GRIN2B: variants seen among roughly 807,000 people sequenced by gnomAD.
GRIN2B encodes glutamate receptor ionotropic, NMDA 2B.
Under a neutral mutation model 114.5 loss-of-function variants are expected in GRIN2B, and 5 were observed. The observed-to-expected ratio is 0.04, with a 90% confidence interval of 0.02 to 0.09. GRIN2B has a LOEUF of 0.09. Ranked by LOEUF, GRIN2B falls within the 10% of genes least tolerant of loss-of-function variation. The probability of loss-of-function intolerance (pLI) is 1.00; values close to 1 mark genes in which losing one functional copy is unlikely to be tolerated. For missense variants in GRIN2B, 1,108 were observed against 1,943.5 expected (o/e 0.57, Z 8.08); for synonymous variants, 787 against 745.1 (o/e 1.06, Z -0.92).
At chr12:13,751,186 A>G (rs1400406020) in intron 4 of GRIN2B, among the ~76,000 whole-genome samples, 1 of 152,222 alleles carries the variant, frequency 6.6e-6, no homozygotes, top group African/African-American at 2.4e-5. Flanking sequence ...CGTGCAAGGC[A>G]GAGAAAAGCA....
intron 5 of GRIN2B, among the ~76,000 whole-genome samples, chr12:13,663,921 G>A (rs1194160028): frequency 6.6e-6 from 1 of 152,118 alleles, no homozygotes; most frequent in Non-Finnish European, 1.5e-5. Context: ...CAGATATTGT[G>A]CTAAGAATTT....
At chr12:13,824,532 T>C (rs1294872808) in intron 3 of GRIN2B, among the ~76,000 whole-genome samples, 1 of 152,196 alleles carries the variant, frequency 6.6e-6, no homozygotes, top group African/African-American at 2.4e-5. Flanking sequence ...CCAGTCTTGC[T>C]AGAGATCTAT....
intron 4 of GRIN2B, among the ~76,000 whole-genome samples, chr12:13,735,419 T>TG (rs768231546): frequency 2.0e-5 from 3 of 152,212 alleles, no homozygotes; most frequent in Non-Finnish European, 4.4e-5. Flanking sequence ...GGTCAAGCCT[T>TG]GGGTCTCATT....
At chr12:13,931,945 C>T (rs1867041937) in intron 2 of GRIN2B, among the ~76,000 whole-genome samples, 1 of 152,186 alleles carries the variant, frequency 6.6e-6, no homozygotes, top group Admixed American at 6.5e-5. Context: ...GTCTCTCTCC[C>T]TTACAAACTA....
At chr12:13,634,536 G>A (rs1012149840) in intron 5 of GRIN2B, among the ~76,000 whole-genome samples, 2 of 152,080 alleles carry the variant, frequency 1.3e-5, no homozygotes, top group South Asian at 2.1e-4. Flanking sequence ...CAAAAGGAGC[G>A]TAGTTGAGCT....
chr12:13,915,965 T>G (rs1189425738), intron 2 of GRIN2B, among the ~76,000 whole-genome samples: 1 of 152,082 alleles, frequency 6.6e-6, no homozygotes, highest in East Asian at 1.9e-4. Context: ...ACATCTCCCC[T>G]TGGTTCACTG....
chr12:13,892,408 T>C (rs1166927784), intron 2 of GRIN2B, among the ~76,000 whole-genome samples: 2 of 152,232 alleles, frequency 1.3e-5, no homozygotes, highest in Non-Finnish European at 2.9e-5. Context: ...TTAAAAAAAC[T>C]ATTTCAAATT....
At chr12:13,916,012 T>C (rs1405843809) in intron 2 of GRIN2B, among the ~76,000 whole-genome samples, 1 of 152,092 alleles carries the variant, frequency 6.6e-6, no homozygotes, top group Admixed American at 6.6e-5. Context: ...CCTATGCTTG[T>C]AATGGTCTCT....
Position 13,607,297 on chromosome 12 carries a change from AATATATATTATATATAATATAAAATATAT to A in GRIN2B, c.2010+1277_2010+1305del, listed in dbSNP as rs1185464700. Among the ~76,000 whole-genome samples the A allele has an allele frequency of 7.1e-4, 47 of 66,468 alleles. 1 individual carries two copies. Among genetic ancestry groups the A allele is most frequent in the East Asian group, 2.0e-3 (6 of 2,974 alleles). The allele number at this position is 66,468 out of a possible 152,430, so 43.6% of individuals were successfully genotyped here. A position where few individuals can be genotyped will look rare whatever the true frequency, so the allele number is the denominator to read the frequency against. On this transcript the variant is annotated intron_variant, in intron 10 of 13. Coordinates refer to ENST00000609686, the MANE Select transcript of GRIN2B (RefSeq NM_000834.5). ...AAATATATAATATATATTATATAAA[AATATATATTATATATAATATAAAATATAT>A]AATATATATTATATATAATATATAA...
chr12:13,582,755 G>A (rs1214809623), intron 10 of GRIN2B, among the ~76,000 whole-genome samples: 2 of 151,952 alleles, frequency 1.3e-5, no homozygotes, highest in African/African-American at 4.8e-5. Context: ...GGGGTGGTGA[G>A]GACTGGAACT....
At chr12:13,833,614 C>G (rs1480573851) in intron 3 of GRIN2B, among the ~76,000 whole-genome samples, 1 of 152,178 alleles carries the variant, frequency 6.6e-6, no homozygotes, top group Non-Finnish European at 1.5e-5. Context: ...AGGCTGTCAT[C>G]ATGTTGCCAC....
At chr12:13,850,284 G>T (rs1865537270) in intron 3 of GRIN2B, among the ~76,000 whole-genome samples, 1 of 152,166 alleles carries the variant, frequency 6.6e-6, no homozygotes, top group African/African-American at 2.4e-5. Context: ...TTAGACTGAT[G>T]TGCACTCAAT....
intron 10 of GRIN2B, among the ~76,000 whole-genome samples, chr12:13,573,442 C>T (rs190925190): frequency 6.7e-6 from 1 of 149,370 alleles, no homozygotes; most frequent in Admixed American, 6.6e-5. Context: ...CACAGAGAGA[C>T]TCCGTCTCAA....
intron 3 of GRIN2B, among the ~76,000 whole-genome samples, chr12:13,857,821 A>C (rs906246372): frequency 6.6e-6 from 1 of 152,188 alleles, no homozygotes; most frequent in African/African-American, 2.4e-5. Flanking sequence ...GGGCTCATGA[A>C]ATCAAGGATG....
chr12:13,608,533 C>T (rs1949318612), intron 10 of GRIN2B, 70 bp downstream of exon 10: 1 of 1,105,838 alleles, frequency 9.0e-7, no homozygotes, highest in East Asian at 2.4e-5. Flanking sequence ...CAAGCAGGTA[C>T]ATGAGAACTT....
In GRIN2B at chr12:13,753,184, G is replaced by A. The variant is rs1863514394; in HGVS notation, c.1010+133C>T. 1 of 768,980 alleles carries A rather than the reference G, an allele frequency of 1.3e-6. No homozygotes were observed. The highest frequency in any genetic ancestry group is 1.7e-5 in the African/African-American group (1 of 59,042). The allele number at this position is 768,980 out of a possible 1,614,324, so 47.6% of individuals were successfully genotyped here. A position where few individuals can be genotyped will look rare whatever the true frequency, so the allele number is the denominator to read the frequency against. ...AACACTCCCCCAATCATGACCAATT[G>A]CCATGCCCAAGGCCAGGCTTCAACC... On this transcript the variant is annotated intron_variant, in intron 4 of 13. Coordinates refer to ENST00000609686, the MANE Select transcript of GRIN2B (RefSeq NM_000834.5). The surrounding 1 kb of genome is among the most constrained non-coding windows in gnomAD (Gnocchi z 6.2).
chr12:13,622,972 T>G (rs1351016675), intron 5 of GRIN2B, among the ~76,000 whole-genome samples: 1 of 152,228 alleles, frequency 6.6e-6, no homozygotes, highest in East Asian at 1.9e-4. Context: ...CCTCATTTCT[T>G]TGTAACCAAG....
At chr12:13,868,889 A>T (rs1458972266) in intron 2 of GRIN2B, among the ~76,000 whole-genome samples, 1 of 152,252 alleles carries the variant, frequency 6.6e-6, no homozygotes, top group Non-Finnish European at 1.5e-5. Flanking sequence ...CAAAGAGGCT[A>T]CTTTGAATAC....
At chr12:13,799,570 C>A (rs1353105147) in intron 3 of GRIN2B, among the ~76,000 whole-genome samples, 3 of 152,126 alleles carry the variant, frequency 2.0e-5, no homozygotes, top group African/African-American at 7.2e-5. Flanking sequence ...GGTGCTGTTC[C>A]TGCTGCCGCC....
Sources: allele counts gnomAD v4.1 joint callset (sites outside exome capture counted in the v4.1 genomes callset), GRCh38; gene constraint gnomAD v4.1.1; non-coding constraint Gnocchi (gnomAD v3.1); transcripts MANE v1.5; gene names NCBI Gene and HGNC (gene_info 2026-07-23, HGNC 2026-07-21).